Variants in BTBD9 observed in about 807,000 individuals in gnomAD.
BTBD9 encodes BTB domain containing 9.
Under a neutral mutation model 64.3 loss-of-function variants are expected in BTBD9, and 49 were observed. The ratio of observed to expected loss-of-function variants is 0.76; its 90% CI spans 0.61 to 0.97. The LOEUF is 0.97. Among genes scored for constraint, BTBD9 ranks in the 50% least tolerant of loss-of-function variants. The pLI, the probability that BTBD9 is intolerant of heterozygous loss-of-function variation, is 0.00. For synonymous variants in BTBD9, 260 were observed against 274.7 expected, an observed-to-expected ratio of 0.95 and a Z score of 0.53; for missense variants, 598 against 762.1, an observed-to-expected ratio of 0.78 and a Z score of 2.53.
rs11969029 is a variant in BTBD9, at chr6:38,507,600, C to T, written c.1154+70000G>A. On this transcript the variant is annotated intron_variant, in intron 6 of 10. Coordinates refer to ENST00000481247, the MANE Select transcript of BTBD9 (RefSeq NM_001099272.2). ...CCGTGACATTTAATCCTGTTCATCA[C>T]TCTTTCCTTCTCAAAAAGTTCTCTT... 7.5e-3 allele frequency among the ~76,000 whole-genome samples: 1,139 copies of T among 152,250 alleles called. 13 individuals carry two copies. The highest frequency in any genetic ancestry group is 0.026 in the African/African-American group (1,083 of 41,536).
At chr6:38,620,014 T>C (rs1335494040) in intron 1 of BTBD9, among the ~76,000 whole-genome samples, 1 of 152,160 alleles carries the variant, frequency 6.6e-6, no homozygotes, top group Non-Finnish European at 1.5e-5. Context: ...GGGCAAAAAA[T>C]GCCTGCCCAG....
intron 6 of BTBD9, among the ~76,000 whole-genome samples, chr6:38,374,313 A>ATATACG (rs1369324679): frequency 2.6e-5 from 3 of 117,418 alleles, no homozygotes; most frequent in South Asian, 2.7e-4. Flanking sequence ...ATATGTATAT[A>ATATACG]TATATATATA....
At chr6:38,587,747 C>T (rs1464755500) in intron 4 of BTBD9, 9 of 687,040 alleles carry the variant, frequency 1.3e-5, no homozygotes, top group East Asian at 1.2e-4. Context: ...GAAAATGTTA[C>T]TGTGAATGGT....
At chr6:38,175,210 G>A in intron 10 of BTBD9, 28 bp from the exon 11 acceptor site, 1 of 1,612,690 alleles carries the variant, frequency 6.2e-7, no homozygotes, top group Non-Finnish European at 8.5e-7. Context: ...AAGACCCCAT[G>A]AGTGAAGGGT....
chr6:38,197,563 C>CT (rs1206481972), intron 9 of BTBD9, among the ~76,000 whole-genome samples: 3 of 152,164 alleles, frequency 2.0e-5, no homozygotes, highest in African/African-American at 7.2e-5. Context: ...TGACCATCCG[C>CT]TAAAGTCTCC....
chr6:38,624,003 C>T lies in BTBD9; in HGVS notation c.-28+15797G>A, dbSNP rs114772740. 5.0e-3 allele frequency among the ~76,000 whole-genome samples: 754 copies of T among 152,292 alleles called. 6 individuals carry two copies. Among genetic ancestry groups the T allele is most frequent in the African/African-American group, 0.017 (714 of 41,562 alleles). ...AGAGCAGTCATCACCCAGTTCCCAA[C>T]GGCAGTTTGGGTGTCCTGTTTAGAG... On this transcript the variant is annotated intron_variant, in intron 1 of 10. Coordinates refer to ENST00000481247, the MANE Select transcript of BTBD9 (RefSeq NM_001099272.2).
intron 9 of BTBD9, among the ~76,000 whole-genome samples, chr6:38,205,896 G>GAAAAAAAAAAAAAAAAAAAAAA (rs1180001207): frequency 1.0e-5 from 1 of 97,388 alleles, no homozygotes; most frequent in Admixed American, 1.3e-4. Flanking sequence ...AAAAAAGAAA[G>GAAAAAAAAAAAAAAAAAAAAAA]AAAGAAAGAA....
At chr6:38,524,963 AT>A (rs939705958) in intron 6 of BTBD9, among the ~76,000 whole-genome samples, 2 of 152,164 alleles carry the variant, frequency 1.3e-5, no homozygotes, top group African/African-American at 4.8e-5. Flanking sequence ...TGTCTGGGTG[AT>A]CAGGCCCTTT....
chr6:38,319,628 T>C (rs938301889), intron 7 of BTBD9, among the ~76,000 whole-genome samples: 1 of 151,910 alleles, frequency 6.6e-6, no homozygotes, highest in Admixed American at 6.6e-5. Context: ...CTCTGCCCAG[T>C]GTCCTATTCT....
intron 9 of BTBD9, among the ~76,000 whole-genome samples, chr6:38,207,751 G>A (rs1762707643): frequency 6.6e-6 from 1 of 151,996 alleles, no homozygotes. Context: ...GGAAAAGGTA[G>A]GAGGGAAACA....
chr6:38,238,508 T>G (rs551553564), intron 9 of BTBD9, among the ~76,000 whole-genome samples: 67 of 141,302 alleles, frequency 4.7e-4, no homozygotes, highest in South Asian at 1.8e-3. Flanking sequence ...AGTCTCGCTC[T>G]GTCGCCCAGG....
At chr6:38,470,711 C>A (rs946556842) in intron 6 of BTBD9, among the ~76,000 whole-genome samples, 1 of 152,232 alleles carries the variant, frequency 6.6e-6, no homozygotes. Flanking sequence ...TGCAGAGCAG[C>A]TGATGATGGC....
At position 38,252,593 on chromosome 6, in the gene BTBD9, T is replaced by A. The variant is rs549122642; in HGVS notation, c.1562+3816A>T. 5.3e-5 allele frequency among the ~76,000 whole-genome samples: 8 copies of A among 152,306 alleles called. No individual in the cohort carries two copies. In the East Asian group the frequency reaches 1.5e-3, roughly 29 times the overall value. On this transcript the variant is annotated intron_variant, in intron 9 of 10. Transcript: ENST00000481247. ...TAATTTGTAAAACAATGCTATCGCA[T>A]CTAAGTGCTATACAAAGTTAAAAAC... is the stretch of plus-strand genomic sequence containing the variant.
intron 9 of BTBD9, among the ~76,000 whole-genome samples, chr6:38,207,896 A>G (rs12214213): frequency 0.36 from 55,201 of 152,040 alleles, 10,818 homozygotes; most frequent in Non-Finnish European, 0.44. Flanking sequence ...GGGGTAGGGA[A>G]GGATGAAGCA....
At chr6:38,250,013 C>T (rs1764338363) in intron 9 of BTBD9, among the ~76,000 whole-genome samples, 1 of 152,134 alleles carries the variant, frequency 6.6e-6, no homozygotes, top group South Asian at 2.1e-4. Context: ...AGGCCAGATG[C>T]AATTTACCAT....
chr6:38,365,383 G>A (rs772812209), intron 6 of BTBD9, among the ~76,000 whole-genome samples: 7 of 151,972 alleles, frequency 4.6e-5, no homozygotes, highest in Non-Finnish European at 8.8e-5. Context: ...AAAAATAACC[G>A]GAGGAAAAAA....
chr6:38,597,382 A>G (rs1029024618), intron 2 of BTBD9, among the ~76,000 whole-genome samples: 2 of 152,212 alleles, frequency 1.3e-5, no homozygotes, highest in Non-Finnish European at 2.9e-5. Context: ...TTTGACAAAT[A>G]TTAGGTAAAA....
intron 1 of BTBD9, among the ~76,000 whole-genome samples, chr6:38,609,685 A>T (rs1777548216): frequency 6.6e-6 from 1 of 152,232 alleles, no homozygotes; most frequent in Non-Finnish European, 1.5e-5. Context: ...TGAATAATTG[A>T]TGAGCTTATG....
At chr6:38,541,908 C>T (rs562475381) in intron 6 of BTBD9, among the ~76,000 whole-genome samples, 1 of 152,284 alleles carries the variant, frequency 6.6e-6, no homozygotes, top group Non-Finnish European at 1.5e-5. Flanking sequence ...CCTAAGATTG[C>T]TGTCATGCTT....
Sources: gnomAD v4.1 joint callset for allele counts (sites outside exome capture counted in the v4.1 genomes callset) on GRCh38, gnomAD v4.1.1 for gene constraint, MANE v1.5 for transcripts, NCBI Gene and HGNC (gene_info 2026-07-23, HGNC 2026-07-21) for gene names.